The following COLGALT2 variants were observed in gnomAD, a reference collection of about 807,000 sequenced individuals.
COLGALT2 encodes the protein collagen beta(1-O)galactosyltransferase 2, also known as procollagen galactosyltransferase 2.
COLGALT2 carries 49 observed loss-of-function variants against 73.4 expected under a neutral mutation model. That is an observed-to-expected ratio of 0.67 (90% CI 0.53 to 0.85). The LOEUF (loss-of-function observed/expected upper bound fraction) is 0.85. COLGALT2 is among the 40% of genes least tolerant of loss of function. COLGALT2 has a pLI of 0.00. For synonymous variants in COLGALT2, 295 were observed against 307.6 expected (o/e 0.96, Z 0.43); for missense variants, 722 against 790.2 (o/e 0.91, Z 1.03).
chr1:183,951,141 C>T (rs761397733), intron 7 of COLGALT2, 28 bp from the exon 8 acceptor site: 3 of 1,505,650 alleles, frequency 2.0e-6, no homozygotes, highest in Admixed American at 1.7e-5. Flanking sequence ...AGGGAAAAGA[C>T]ACATAAATTA....
intron 1 of COLGALT2, among the ~76,000 whole-genome samples, chr1:183,992,095 G>C (rs1397408209): frequency 6.6e-6 from 1 of 152,154 alleles, no homozygotes; most frequent in Admixed American, 6.5e-5. Flanking sequence ...GCCAGGCATT[G>C]ACCTAGAACT....
At chr1:183,943,290 C>A (rs1670162966) in intron 10 of COLGALT2, among the ~76,000 whole-genome samples, 1 of 152,196 alleles carries the variant, frequency 6.6e-6, no homozygotes, top group African/African-American at 2.4e-5. Flanking sequence ...GAAGCAGGGA[C>A]AGCTCCTCTG....
chr1:184,035,917 CAT>C (rs1231141637), intron 1 of COLGALT2, among the ~76,000 whole-genome samples: 9 of 152,222 alleles, frequency 5.9e-5, no homozygotes, highest in East Asian at 1.9e-4. Context: ...TACTATATCA[CAT>C]GTTTGCTTTC....
intron 8 of COLGALT2, among the ~76,000 whole-genome samples, chr1:183,948,866 T>TA: frequency 6.6e-6 from 1 of 152,192 alleles, no homozygotes; most frequent in South Asian, 2.1e-4. Flanking sequence ...TTAGAACTGA[T>TA]AAAAAGGGTT....
chr1:183,930,569 CTTTTTTTTTTT>C (rs397861890), intron 11 of COLGALT2, among the ~76,000 whole-genome samples: 1,466 of 114,090 alleles, frequency 0.013, 31 homozygotes, highest in African/African-American at 0.035. Flanking sequence ...TTTTCTTTTT[CTTTTTTTTTTT>C]TTTTTTTTTT....
chr1:184,011,799 CAGTTGGTT>C (rs1648808218), intron 1 of COLGALT2, among the ~76,000 whole-genome samples: 2 of 152,176 alleles, frequency 1.3e-5, no homozygotes, highest in African/African-American at 2.4e-5. Flanking sequence ...TCAATCTGGG[CAGTTGGTT>C]AATATGTTCC....
rs1669980701 is a variant in COLGALT2, at chr1:183,937,241, G to C, written c.*1520C>G. 8.4e-7 allele frequency: 1 copy of C among 1,192,176 alleles called. No homozygotes were observed. Among genetic ancestry groups the C allele is most frequent in the Admixed American group, 4.5e-5 (1 of 22,456 alleles). 73.8% of individuals were successfully genotyped at this position (1,192,176 alleles called of 1,614,324 possible). A position where few individuals can be genotyped will look rare whatever the true frequency, so the allele number is the denominator to read the frequency against. ...CCCCCCATATGGCTGCATGGTGCAT[G>C]GACAGTGATGAGGAACGGTGCTGGT... On this transcript the variant is annotated 3_prime_UTR_variant, in exon 12 of 12. Coordinates refer to ENST00000361927, the MANE Select transcript of COLGALT2 (RefSeq NM_015101.4).
intron 1 of COLGALT2, among the ~76,000 whole-genome samples, chr1:184,033,761 C>A (rs1649585537): frequency 6.6e-6 from 1 of 152,254 alleles, no homozygotes; most frequent in Middle Eastern, 3.4e-3. Context: ...GATCAATAAG[C>A]CAGGTCTCTC....
Position 183,951,030 on chromosome 1 carries a change from C to T in COLGALT2, c.1113G>A (p.Lys371=). 1 of 1,613,738 alleles carries T rather than the reference C, an allele frequency of 6.2e-7. No homozygotes were observed. The highest frequency in any genetic ancestry group is 8.5e-7 in the Non-Finnish European group (1 of 1,179,678). Residue 371 remains lysine, a synonymous_variant, in exon 8 of 12, where the codon AAG becomes AAA. Coordinates refer to ENST00000361927, the MANE Select transcript of COLGALT2 (RefSeq NM_015101.4). ...RTLYEQEIEV[K]IVEAVDGKAL... ...ACTTTCCATCCACAGCCTCGACAAT[C>T]TTGACCTCAATCTCCTGTTCATACA...
chr1:184,003,922 A>T (rs1671998043), intron 1 of COLGALT2, among the ~76,000 whole-genome samples: 2 of 152,252 alleles, frequency 1.3e-5, no homozygotes, highest in African/African-American at 4.8e-5. Context: ...AAGAAGACGA[A>T]GAGGATATTC....
intron 1 of COLGALT2, among the ~76,000 whole-genome samples, chr1:184,016,952 A>C (rs1441569450): frequency 6.6e-6 from 1 of 152,190 alleles, no homozygotes. Flanking sequence ...CCTCAACCAA[A>C]GTTGATTGAA....
intron 4 of COLGALT2, among the ~76,000 whole-genome samples, chr1:183,971,046 G>C (rs1170441023): frequency 6.6e-6 from 1 of 152,122 alleles, no homozygotes; most frequent in Non-Finnish European, 1.5e-5. Context: ...AATATCCTTG[G>C]GGTGGGGGTG....
At chr1:183,991,082 C>T (rs74130979) in intron 1 of COLGALT2, among the ~76,000 whole-genome samples, 6,561 of 152,248 alleles carry the variant, frequency 0.043, 510 homozygotes, top group African/African-American at 0.15. Flanking sequence ...GCAGCTGCCA[C>T]ATAGTCTGGG....
intron 6 of COLGALT2, among the ~76,000 whole-genome samples, chr1:183,955,978 C>T (rs1012767300): frequency 3.3e-5 from 5 of 152,202 alleles, no homozygotes; most frequent in Non-Finnish European, 7.3e-5. Context: ...GCCCTTGGTC[C>T]CACCACTGTG....
chr1:184,021,599 G>GAACC (rs2102855317), intron 1 of COLGALT2, among the ~76,000 whole-genome samples: 1 of 152,262 alleles, frequency 6.6e-6, no homozygotes, highest in African/African-American at 2.4e-5. Flanking sequence ...CCAGCCTCCA[G>GAACC]AACCATGAGC....
At chr1:184,018,039 G>C (rs1209185249) in intron 1 of COLGALT2, among the ~76,000 whole-genome samples, 1 of 152,002 alleles carries the variant, frequency 6.6e-6, no homozygotes, top group Non-Finnish European at 1.5e-5. Flanking sequence ...ATAACAAATT[G>C]GTTAGAAGAA....
chr1:183,975,061 A>G, intron 3 of COLGALT2, 36 bp downstream of exon 3: 1 of 1,444,888 alleles, frequency 6.9e-7, no homozygotes, highest in Non-Finnish European at 9.7e-7. Context: ...TACACCTGAG[A>G]TGACAGTTGT....
chr1:183,976,699 T>G (rs535403219), intron 2 of COLGALT2, among the ~76,000 whole-genome samples: 1 of 152,274 alleles, frequency 6.6e-6, no homozygotes, highest in South Asian at 2.1e-4. Flanking sequence ...TGTTTATATA[T>G]TCTAGCCCCT....
intron 6 of COLGALT2, among the ~76,000 whole-genome samples, chr1:183,962,334 A>G (rs1043792648): frequency 1.3e-5 from 2 of 151,126 alleles, no homozygotes; most frequent in African/African-American, 4.9e-5. Context: ...TTATTTTTGT[A>G]TTTTTAGTAG....
Sources: allele counts gnomAD v4.1 joint callset (sites outside exome capture counted in the v4.1 genomes callset), GRCh38; gene constraint gnomAD v4.1.1; transcripts MANE v1.5; gene names NCBI Gene and HGNC (gene_info 2026-07-23, HGNC 2026-07-21).